Variants in OPCML observed in about 807,000 individuals in gnomAD.
The protein encoded by OPCML is opioid binding protein/cell adhesion molecule like, also known as opioid-binding protein/cell adhesion molecule.
A neutral mutation model predicts 37.8 loss-of-function variants in OPCML; 13 were observed. That is an observed-to-expected ratio of 0.34 (90% confidence interval 0.22 to 0.55). The LOEUF (loss-of-function observed/expected upper bound fraction) is 0.55, where lower values mean the gene tolerates loss of function less well. Ranked by LOEUF, OPCML falls within the 20% of genes least tolerant of loss-of-function variation. OPCML has a pLI of 0.91. For synonymous variants in OPCML, 176 were observed against 168.8 expected (o/e 1.04, Z -0.33); for missense variants, 341 against 435.6 (o/e 0.78, Z 1.93).
At chr11:132,719,275 A>C (rs951227744) in intron 2 of OPCML, among the ~76,000 whole-genome samples, 2 of 152,226 alleles carry the variant, frequency 1.3e-5, no homozygotes, top group African/African-American at 4.8e-5. Context: ...GCGAAGGCAC[A>C]TCCTGTGTGG....
At chr11:132,637,193 G>T (rs1940558787) in intron 3 of OPCML, among the ~76,000 whole-genome samples, 2 of 151,312 alleles carry the variant, frequency 1.3e-5, no homozygotes, top group Admixed American at 6.6e-5. Flanking sequence ...ACTCTTTCTG[G>T]GTGAAAATAT....
chr11:132,979,836 G>A (rs1053684789), intron 1 of OPCML, among the ~76,000 whole-genome samples: 2 of 152,108 alleles, frequency 1.3e-5, no homozygotes, highest in African/African-American at 2.4e-5. Flanking sequence ...GAGAAGGAAG[G>A]GATGCTGATG....
chr11:133,067,065 A>T (rs1028605447), intron 1 of OPCML: 7 of 152,226 alleles, frequency 4.6e-5, no homozygotes, highest in Non-Finnish European at 7.3e-5. Context: ...ACAATAAGCC[A>T]TGAAAACTGG....
At chr11:132,679,026 A>C (rs1225544702) in intron 2 of OPCML, among the ~76,000 whole-genome samples, 1 of 152,262 alleles carries the variant, frequency 6.6e-6, no homozygotes, top group Non-Finnish European at 1.5e-5. Flanking sequence ...GTGAACCTAA[A>C]ACTGCTCTAA....
chr11:133,358,854 G>A (rs1386343190), intron 1 of OPCML, among the ~76,000 whole-genome samples: 5 of 152,108 alleles, frequency 3.3e-5, no homozygotes, highest in African/African-American at 4.8e-5. Context: ...CCCCACCCCC[G>A]ACCAGTGGAG....
Position 132,690,027 on chromosome 11 carries a change from C to G in OPCML, c.147-32708G>C, listed in dbSNP as rs145157681. ...CAAGTTTCGTGGACCTTCTATGTGA[C>G]AGTACTGGATCACACTGGCCCAAGG... On this transcript the variant is annotated intron_variant, in intron 2 of 7. Transcript: ENST00000524381. 4.2e-3 allele frequency among the ~76,000 whole-genome samples: 639 copies of G among 152,290 alleles called. 14 individuals carry two copies. Among genetic ancestry groups the G allele is most frequent in the African/African-American group, 0.015 (612 of 41,564 alleles).
chr11:132,707,720 G>A (rs985292395), intron 2 of OPCML, among the ~76,000 whole-genome samples: 1 of 152,184 alleles, frequency 6.6e-6, no homozygotes, highest in Non-Finnish European at 1.5e-5. Flanking sequence ...TTCTCTGAGT[G>A]TCTGTGCATC....
intron 1 of OPCML, among the ~76,000 whole-genome samples, chr11:133,368,479 C>G (rs1397189943): frequency 6.6e-6 from 1 of 151,958 alleles, no homozygotes; most frequent in African/African-American, 2.4e-5. Context: ...TACTTTGGTC[C>G]AAGGTAAGTG....
intron 1 of OPCML, among the ~76,000 whole-genome samples, chr11:133,376,357 G>A (rs1944803993): frequency 6.6e-6 from 1 of 152,124 alleles, no homozygotes; most frequent in Admixed American, 6.5e-5. Context: ...AATACCCAAT[G>A]ACACAGGATT....
intron 4 of OPCML, among the ~76,000 whole-genome samples, chr11:132,455,933 A>G (rs1437064748): frequency 6.6e-6 from 1 of 152,238 alleles, no homozygotes; most frequent in Non-Finnish European, 1.5e-5. Flanking sequence ...AAACTTAAGT[A>G]GTGGAATCCT....
At chr11:133,169,323 A>C (rs2137237642) in intron 1 of OPCML, among the ~76,000 whole-genome samples, 1 of 152,310 alleles carries the variant, frequency 6.6e-6, no homozygotes. Flanking sequence ...ATATTAGCTC[A>C]CAAAAACCAC....
intron 1 of OPCML, among the ~76,000 whole-genome samples, chr11:133,138,228 G>A (rs750061102): frequency 3.9e-5 from 6 of 152,156 alleles, no homozygotes; most frequent in South Asian, 2.1e-4. Flanking sequence ...ATGTCTTGAC[G>A]CAGTGTATGA....
chr11:132,831,801 A>T (rs1367861540), intron 2 of OPCML, among the ~76,000 whole-genome samples: 1 of 151,824 alleles, frequency 6.6e-6, no homozygotes, highest in Non-Finnish European at 1.5e-5. Flanking sequence ...GCCCTGTACA[A>T]ACCTTGTGGC....
intron 2 of OPCML, among the ~76,000 whole-genome samples, chr11:132,744,657 G>T (rs1945553076): frequency 6.6e-6 from 1 of 152,210 alleles, no homozygotes; most frequent in African/African-American, 2.4e-5. Flanking sequence ...GCCTGCATTA[G>T]GCACTGCCAC....
chr11:133,263,272 T>A (rs1941547893), intron 1 of OPCML, among the ~76,000 whole-genome samples: 2 of 152,140 alleles, frequency 1.3e-5, no homozygotes, highest in South Asian at 4.1e-4. Flanking sequence ...CAGTCATACA[T>A]CATATAATGA....
At chr11:133,026,474 A>G (rs1393048070) in intron 1 of OPCML, 1 of 985,280 alleles carries the variant, frequency 1.0e-6, no homozygotes, top group Non-Finnish European at 1.2e-6. Context: ...CTCATCCTGA[A>G]CATCCTCCAC....
chr11:132,625,928 G>A lies in OPCML; in HGVS notation c.379+31159C>T, dbSNP rs147674536. 3.9e-5 allele frequency among the ~76,000 whole-genome samples: 6 copies of A among 152,084 alleles called. No individual in the cohort carries two copies. The East Asian group carries it at 1.2e-3, about 29-fold the overall frequency. On this transcript the variant is annotated intron_variant, in intron 3 of 7. Coordinates refer to ENST00000524381, the MANE Select transcript of OPCML (RefSeq NM_001012393.5). ...TGGAACTATAGGCTGTCTTCTCCAT[G>A]CATATTGGCCACATCTCTATTGTAG...
intron 1 of OPCML, among the ~76,000 whole-genome samples, chr11:133,329,168 T>C (rs1487864497): frequency 6.6e-6 from 1 of 152,058 alleles, no homozygotes; most frequent in Admixed American, 6.6e-5. Context: ...AAACCACTGC[T>C]CAAGGAAATA....
chr11:133,106,344 C>T (rs1432468767), intron 1 of OPCML, among the ~76,000 whole-genome samples: 1 of 152,226 alleles, frequency 6.6e-6, no homozygotes, highest in African/African-American at 2.4e-5. Context: ...ATTTAGCAAA[C>T]TCTGATATGC....
Sources: allele counts gnomAD v4.1 joint callset (sites outside exome capture counted in the v4.1 genomes callset), GRCh38; gene constraint gnomAD v4.1.1; transcripts MANE v1.5; gene names NCBI Gene and HGNC (gene_info 2026-07-23, HGNC 2026-07-21).